The following LIPA variants were observed in gnomAD, a reference collection of about 807,000 sequenced individuals.
LIPA encodes lysosomal acid lipase/cholesteryl ester hydrolase.
Under a neutral mutation model 40.6 loss-of-function variants are expected in LIPA, and 26 were observed. The observed-to-expected ratio is 0.64, with a 90% confidence interval of 0.47 to 0.89. The LOEUF is 0.89. Among genes scored for constraint, LIPA ranks in the 40% least tolerant of loss-of-function variants. The probability of loss-of-function intolerance (pLI) is 0.00; values close to 1 mark genes in which losing one functional copy is unlikely to be tolerated. For synonymous variants in LIPA, 188 were observed against 168.4 expected, an observed-to-expected ratio of 1.12 and a Z score of -0.90; for missense variants, 455 against 479.6, an observed-to-expected ratio of 0.95 and a Z score of 0.48.
intron 1 of LIPA, among the ~76,000 whole-genome samples, chr10:89,286,332 C>T (rs1368332295): frequency 6.6e-6 from 1 of 152,038 alleles, no homozygotes; most frequent in Non-Finnish European, 1.5e-5. Context: ...TCCCCTCCTC[C>T]CCAGGCTGCT....
intron 1 of LIPA, chr10:89,278,620 G>C (rs1843300645): frequency 6.6e-6 from 1 of 152,064 alleles, no homozygotes; most frequent in Non-Finnish European, 1.5e-5. Flanking sequence ...TCTTAGTTTG[G>C]AATATTAACC....
chr10:89,228,364 C>A lies in LIPA; in HGVS notation c.264G>T (p.Leu88Phe), dbSNP rs755847301. The change falls in exon 4 of 10, where the codon TTG becomes TTT. Residue 88 changes from leucine (L) to phenylalanine (F), a missense_variant. Leu to Phe is a conservative substitution (Grantham distance 22). Transcript: ENST00000336233. ...TGACCCAGTTACTAGAATCTGCCAG[C>A]AAGCCATGTTGCAGGAAGACAACTG... is the stretch of plus-strand genomic sequence containing the variant. ...PKPVVFLQHG[L>F]LADSSNWVTN... The A allele has an allele frequency of 3.1e-6, 5 of 1,614,176 alleles. No individual in the cohort carries two copies. In the Admixed American group the frequency reaches 8.3e-5, roughly 27 times the overall value.
intron 1 of LIPA, among the ~76,000 whole-genome samples, chr10:89,282,735 T>C (rs1262266146): frequency 1.3e-5 from 2 of 152,210 alleles, no homozygotes; most frequent in East Asian, 1.9e-4. Flanking sequence ...AACAAGCCTA[T>C]GAAATAGGTG....
intron 2 of LIPA, chr10:89,402,289 G>A: frequency 6.2e-7 from 1 of 1,606,098 alleles, no homozygotes; most frequent in Non-Finnish European, 8.5e-7. Flanking sequence ...AGTACAAATG[G>A]TGATGATCAT....
At chr10:89,369,639 C>G (rs959180650) in intron 2 of LIPA, among the ~76,000 whole-genome samples, 4 of 152,190 alleles carry the variant, frequency 2.6e-5, no homozygotes, top group African/African-American at 9.7e-5. Context: ...ACAGATAATG[C>G]TTTTTAATGA....
At chr10:89,300,948 A>C (rs1843441936) in intron 1 of LIPA, among the ~76,000 whole-genome samples, 1 of 151,908 alleles carries the variant, frequency 6.6e-6, no homozygotes, top group South Asian at 2.1e-4. Context: ...TTTCCACTGC[A>C]CTCCAGCCTG....
At chr10:89,373,459 C>A (rs1393323429) in intron 2 of LIPA, among the ~76,000 whole-genome samples, 1 of 151,620 alleles carries the variant, frequency 6.6e-6, no homozygotes, top group Admixed American at 6.6e-5. Context: ...ACTTTCAGAG[C>A]AGAGAAGTTC....
At chr10:89,261,525 TA>T (rs1274266807) in intron 1 of LIPA, among the ~76,000 whole-genome samples, 1 of 151,946 alleles carries the variant, frequency 6.6e-6, no homozygotes, top group African/African-American at 2.4e-5. Context: ...ATTAATTAAT[TA>T]AAATTAAAAT....
intron 2 of LIPA, among the ~76,000 whole-genome samples, chr10:89,361,871 C>T (rs1435450241): frequency 7.1e-5 from 10 of 140,706 alleles, no homozygotes; most frequent in Admixed American, 1.5e-4. Flanking sequence ...CACCCTCCAC[C>T]TGCCTTTTTT....
At chr10:89,309,532 C>T (rs1454636560) in intron 1 of LIPA, among the ~76,000 whole-genome samples, 1 of 152,152 alleles carries the variant, frequency 6.6e-6, no homozygotes, top group East Asian at 1.9e-4. Flanking sequence ...AGGAACACCA[C>T]ACGTATTCTG....
intron 1 of LIPA, among the ~76,000 whole-genome samples, chr10:89,298,311 C>T (rs559524678): frequency 6.6e-6 from 1 of 152,326 alleles, no homozygotes; most frequent in South Asian, 2.1e-4. Flanking sequence ...CCACTGGGGC[C>T]TGAAGACTGG....
intron 2 of LIPA, chr10:89,393,403 A>G (rs1589632509): frequency 1.2e-6 from 1 of 816,802 alleles, no homozygotes; most frequent in East Asian, 6.5e-5. Flanking sequence ...TCCTTACCTA[A>G]AGGGCCTAAT....
At chr10:89,381,367 T>G (rs1370994134) in intron 2 of LIPA, among the ~76,000 whole-genome samples, 2 of 152,088 alleles carry the variant, frequency 1.3e-5, no homozygotes, top group Non-Finnish European at 2.9e-5. Flanking sequence ...AATATTAATT[T>G]TACTTACTCC....
intron 1 of LIPA, among the ~76,000 whole-genome samples, chr10:89,336,796 A>G (rs1843748138): frequency 6.6e-6 from 1 of 152,152 alleles, no homozygotes; most frequent in Non-Finnish European, 1.5e-5. Context: ...AAAAATAAGG[A>G]CACTTGGTTT....
At chr10:89,272,114 G>A (rs1472828140) in intron 1 of LIPA, among the ~76,000 whole-genome samples, 1 of 152,052 alleles carries the variant, frequency 6.6e-6, no homozygotes, top group Non-Finnish European at 1.5e-5. Flanking sequence ...AAGCTCAGGG[G>A]CACATATGCA....
intron 1 of LIPA, among the ~76,000 whole-genome samples, chr10:89,250,119 T>TTTTTTTTTTTTTTTTTA (rs1843097581): frequency 6.8e-6 from 1 of 146,694 alleles, no homozygotes; most frequent in African/African-American, 2.5e-5. Context: ...TTTTTTTTTT[T>TTTTTTTTTTTTTTTTTA]GAGACAGTCT....
intron 1 of LIPA, chr10:89,342,479 G>A (rs977173029): frequency 1.1e-4 from 17 of 152,184 alleles, no homozygotes; most frequent in African/African-American, 4.1e-4. Context: ...TTGTCTAAAA[G>A]GAAACAACAT....
intron 1 of LIPA, among the ~76,000 whole-genome samples, chr10:89,323,923 C>T (rs1843585869): frequency 1.3e-5 from 2 of 152,150 alleles, no homozygotes; most frequent in Admixed American, 1.3e-4. Context: ...TTAGAAAAAC[C>T]TATTTTAAAA....
intron 1 of LIPA, among the ~76,000 whole-genome samples, chr10:89,323,005 G>GT (rs755215440): frequency 2.4e-4 from 36 of 152,122 alleles, no homozygotes; most frequent in Admixed American, 9.8e-4. Context: ...TTCAGGCAAG[G>GT]TAGGCAACCC....
Sources: gnomAD v4.1 joint callset for allele counts (sites outside exome capture counted in the v4.1 genomes callset) on GRCh38, gnomAD v4.1.1 for gene constraint, MANE v1.5 for transcripts, NCBI Gene and HGNC (gene_info 2026-07-23, HGNC 2026-07-21) for gene names.